TBC1D22A: variants seen among roughly 807,000 people sequenced by gnomAD.
TBC1D22A encodes the protein TBC1 domain family member 22A, also known as putative GTPase activator.
A neutral mutation model predicts 60.2 loss-of-function variants in TBC1D22A; 38 were observed. The ratio of observed to expected loss-of-function variants is 0.63; its 90% CI spans 0.49 to 0.83. The LOEUF (loss-of-function observed/expected upper bound fraction) is 0.83. TBC1D22A is among the 40% of genes least tolerant of loss of function. The pLI is 0.00. For synonymous variants in TBC1D22A, 302 were observed against 281.7 expected, an observed-to-expected ratio of 1.07 and a Z score of -0.72; for missense variants, 628 against 701.0, an observed-to-expected ratio of 0.90 and a Z score of 1.18.
Position 47,017,923 on chromosome 22 carries a change from C to T in TBC1D22A, c.1202-19148C>T, listed in dbSNP as rs186863772. ...CTTTGTCCTGCTCTCTTGGTAGCCG[C>T]GAACGTCCCTTTAATACGTTCCATT... is the stretch of plus-strand genomic sequence containing the variant. On this transcript the variant is annotated intron_variant, in intron 10 of 12. Coordinates refer to ENST00000337137, the MANE Select transcript of TBC1D22A (RefSeq NM_014346.5). Among the ~76,000 whole-genome samples, 6 of 152,370 alleles carry T rather than the reference C, an allele frequency of 3.9e-5. No homozygotes were observed. The East Asian group carries it at 9.6e-4, about 24-fold the overall frequency.
chr22:47,030,747 G>A (rs1203316897), intron 10 of TBC1D22A, among the ~76,000 whole-genome samples: 1 of 152,218 alleles, frequency 6.6e-6, no homozygotes, highest in Middle Eastern at 3.2e-3. Context: ...CAGTGAAAGA[G>A]CATCTGCTCG....
At chr22:46,869,739 G>A (rs1049188577) in intron 4 of TBC1D22A, among the ~76,000 whole-genome samples, 2 of 152,212 alleles carry the variant, frequency 1.3e-5, no homozygotes, top group African/African-American at 4.8e-5. Flanking sequence ...CTATTGTTCA[G>A]TGTTTCTTCC....
chr22:46,969,210 A>G (rs9615432), intron 8 of TBC1D22A, among the ~76,000 whole-genome samples: 8,270 of 152,306 alleles, frequency 0.054, 317 homozygotes, highest in Non-Finnish European at 0.086. Context: ...TGGCTTAAAC[A>G]TTGTTTTTTT....
At chr22:47,117,563 C>T (rs979179425) in intron 12 of TBC1D22A, among the ~76,000 whole-genome samples, 2 of 149,784 alleles carry the variant, frequency 1.3e-5, no homozygotes, top group Non-Finnish European at 3.0e-5. Flanking sequence ...CACCCCACAC[C>T]GTGGCATCGA....
chr22:47,042,905 C>T (rs1006848916), intron 11 of TBC1D22A, among the ~76,000 whole-genome samples: 11 of 152,204 alleles, frequency 7.2e-5, no homozygotes, highest in Non-Finnish European at 1.3e-4. Context: ...GGGGAGGGTG[C>T]GTCAGAAGGT....
At chr22:47,083,254 C>T (rs543817848) in intron 11 of TBC1D22A, among the ~76,000 whole-genome samples, 1 of 151,792 alleles carries the variant, frequency 6.6e-6, no homozygotes, top group South Asian at 2.1e-4. Context: ...CAAGACTCAG[C>T]AAATAGTTTG....
intron 8 of TBC1D22A, among the ~76,000 whole-genome samples, chr22:46,925,310 G>T (rs888888029): frequency 6.6e-6 from 1 of 152,190 alleles, no homozygotes; most frequent in African/African-American, 2.4e-5. Context: ...CACATTTTCT[G>T]TAGCAGTTCT....
chr22:47,138,077 CT>C (rs1328688884), intron 12 of TBC1D22A, among the ~76,000 whole-genome samples: 1 of 152,190 alleles, frequency 6.6e-6, no homozygotes, highest in Non-Finnish European at 1.5e-5. Context: ...CCTAGTCCCC[CT>C]GGCGTCCAGA....
At chr22:46,799,781 A>C (rs1046323063) in intron 4 of TBC1D22A, among the ~76,000 whole-genome samples, 2 of 152,162 alleles carry the variant, frequency 1.3e-5, no homozygotes, top group African/African-American at 2.4e-5. Context: ...TCTGATTGAT[A>C]ATTTTTGGCA....
chr22:46,993,078 A>G (rs1327093389), intron 9 of TBC1D22A, among the ~76,000 whole-genome samples: 1 of 152,224 alleles, frequency 6.6e-6, no homozygotes, highest in Non-Finnish European at 1.5e-5. Flanking sequence ...TCAGAGAGGC[A>G]GGAGGGAGTC....
At chr22:47,173,254 C>A (rs1414425809) in intron 12 of TBC1D22A, among the ~76,000 whole-genome samples, 1 of 152,126 alleles carries the variant, frequency 6.6e-6, no homozygotes, top group East Asian at 1.9e-4. Flanking sequence ...TGGGGCCCTT[C>A]TGGGGTTGAG....
intron 1 of TBC1D22A, among the ~76,000 whole-genome samples, chr22:46,778,948 G>A (rs934449585): frequency 6.6e-6 from 1 of 152,268 alleles, no homozygotes; most frequent in Non-Finnish European, 1.5e-5. Flanking sequence ...GGAGTCTGAG[G>A]CAGGAGAATC....
intron 11 of TBC1D22A, among the ~76,000 whole-genome samples, chr22:47,044,539 T>C (rs2062967151): frequency 6.6e-6 from 1 of 152,224 alleles, no homozygotes; most frequent in Non-Finnish European, 1.5e-5. Context: ...GTGAAACTGA[T>C]GATCGGGTTA....
intron 8 of TBC1D22A, among the ~76,000 whole-genome samples, chr22:46,924,527 T>C (rs977873353): frequency 6.6e-6 from 1 of 152,080 alleles, no homozygotes; most frequent in Non-Finnish European, 1.5e-5. Context: ...GAGGCCGAGG[T>C]GGGCATCAGG....
chr22:46,911,933 A>T, intron 7 of TBC1D22A, 141 bp from the exon 8 acceptor site: 1 of 460,432 alleles, frequency 2.2e-6, no homozygotes, highest in South Asian at 2.5e-5. Context: ...AAAAAAAAAA[A>T]TTGATATTTG....
At chr22:47,104,009 G>C (rs569880653) in intron 11 of TBC1D22A, among the ~76,000 whole-genome samples, 1 of 152,152 alleles carries the variant, frequency 6.6e-6, no homozygotes, top group South Asian at 2.1e-4. Flanking sequence ...GAAAATTTGC[G>C]TCTGTAAAGA....
At chr22:46,948,538 C>T (rs898898979) in intron 8 of TBC1D22A, among the ~76,000 whole-genome samples, 5 of 152,166 alleles carry the variant, frequency 3.3e-5, no homozygotes, top group South Asian at 2.1e-4. Context: ...TTTCTCACTC[C>T]GGGTGTGTAT....
chr22:47,033,958 C>T (rs186634723), intron 10 of TBC1D22A, among the ~76,000 whole-genome samples: 1 of 152,044 alleles, frequency 6.6e-6, no homozygotes, highest in African/African-American at 2.4e-5. Flanking sequence ...CCTGGCACCC[C>T]CTTTGGTCTC....
At chr22:47,076,726 A>G (rs2064241822) in intron 11 of TBC1D22A, among the ~76,000 whole-genome samples, 1 of 151,768 alleles carries the variant, frequency 6.6e-6, no homozygotes, top group African/African-American at 2.4e-5. Flanking sequence ...GTTTGCTTTG[A>G]CTGCATGTAA....
Sources: allele counts gnomAD v4.1 joint callset (sites outside exome capture counted in the v4.1 genomes callset), GRCh38; gene constraint gnomAD v4.1.1; transcripts MANE v1.5; gene names NCBI Gene and HGNC (gene_info 2026-07-23, HGNC 2026-07-21).